COBL: variants seen among roughly 807,000 people sequenced by gnomAD.
COBL encodes the protein cordon-bleu WH2 repeat protein, also known as protein cordon-bleu.
Under a neutral mutation model 98.8 loss-of-function variants are expected in COBL, and 51 were observed. The observed-to-expected ratio is 0.52, with a 90% CI of 0.41 to 0.65. The LOEUF (loss-of-function observed/expected upper bound fraction) is 0.65, where lower values mean the gene tolerates loss of function less well. COBL is among the 30% of genes least tolerant of loss of function. COBL has a pLI of 0.00. For synonymous variants in COBL, 634 were observed against 651.7 expected, an observed-to-expected ratio of 0.97 and a Z score of 0.41; for missense variants, 1,617 against 1,617.5, an observed-to-expected ratio of 1.00 and a Z score of 0.01.
At chr7:51,175,046 C>G (rs745727740) in intron 5 of COBL, among the ~76,000 whole-genome samples, 19 of 152,214 alleles carry the variant, frequency 1.2e-4, no homozygotes, top group Non-Finnish European at 2.5e-4. Context: ...CCTCCTGAAT[C>G]CGGACCACCC....
chr7:51,131,918 AG>A (rs150159916), intron 6 of COBL, among the ~76,000 whole-genome samples: 12,266 of 152,214 alleles, frequency 0.081, 719 homozygotes, highest in South Asian at 0.16. Context: ...AGAAGCTATC[AG>A]GACTGAAAGG....
intron 1 of COBL, among the ~76,000 whole-genome samples, chr7:51,263,258 T>A (rs1379285938): frequency 6.6e-6 from 1 of 152,092 alleles, no homozygotes; most frequent in African/African-American, 2.4e-5. Flanking sequence ...TAGGCTCCTA[T>A]GAGCAAGAGC....
intron 1 of COBL, among the ~76,000 whole-genome samples, chr7:51,307,097 T>G (rs1226478670): frequency 5.3e-5 from 8 of 151,924 alleles, no homozygotes; most frequent in Non-Finnish European, 5.9e-5. Context: ...ATAATCCGAG[T>G]GCTCTGGGAG....
At chr7:51,107,459 A>G (rs1161351184) in intron 6 of COBL, among the ~76,000 whole-genome samples, 1 of 152,220 alleles carries the variant, frequency 6.6e-6, no homozygotes, top group Non-Finnish European at 1.5e-5. Context: ...CCAGTTCAGT[A>G]AATATTATAC....
At chr7:51,174,704 G>A (rs1788200670) in intron 5 of COBL, among the ~76,000 whole-genome samples, 1 of 152,116 alleles carries the variant, frequency 6.6e-6, no homozygotes, top group African/African-American at 2.4e-5. Context: ...TGTCATCTCT[G>A]TAAACCAGTG....
intron 6 of COBL, among the ~76,000 whole-genome samples, chr7:51,098,220 G>GTTTTTTTTTTTTTTTTTTTTTTTT (rs1276606651): frequency 2.3e-4 from 12 of 52,308 alleles, no homozygotes; most frequent in African/African-American, 1.1e-3. Flanking sequence ...CCCAATAGCA[G>GTTTTTTTTTTTTTTTTTTTTTTTT]TTTCTTTTTT....
At chr7:51,229,142 G>A (rs1340294195) in intron 1 of COBL, among the ~76,000 whole-genome samples, 3 of 152,264 alleles carry the variant, frequency 2.0e-5, no homozygotes, top group South Asian at 4.1e-4. Flanking sequence ...GACAGAAACC[G>A]CTCCTTGGGC....
At chr7:51,085,428 G>A in intron 6 of COBL, 124 bp from the exon 7 acceptor site, 1 of 1,076,926 alleles carries the variant, frequency 9.3e-7, no homozygotes, top group Non-Finnish European at 1.3e-6. Flanking sequence ...CTCCAGGAGG[G>A]TTGTTAGATG....
chr7:51,297,467 C>T (rs1313516838), intron 1 of COBL, among the ~76,000 whole-genome samples: 1 of 148,440 alleles, frequency 6.7e-6, no homozygotes, highest in Non-Finnish European at 1.5e-5. Context: ...TCTCAGCTCA[C>T]TGCAACCTCC....
At chr7:51,035,181 G>A (rs900211049) in intron 8 of COBL, 2 of 152,196 alleles carry the variant, frequency 1.3e-5, no homozygotes, top group African/African-American at 2.4e-5. Flanking sequence ...CAGCAAAAAC[G>A]AGAACTAGGG....
chr7:51,274,132 T>C (rs1443632996), intron 1 of COBL, among the ~76,000 whole-genome samples: 3 of 152,182 alleles, frequency 2.0e-5, no homozygotes, highest in African/African-American at 4.8e-5. Context: ...GCACAGGACC[T>C]GCAGCTGCCA....
At chr7:51,258,737 T>A (rs767876734) in intron 1 of COBL, among the ~76,000 whole-genome samples, 6 of 152,072 alleles carry the variant, frequency 3.9e-5, no homozygotes, top group Non-Finnish European at 8.8e-5. Context: ...TCAAAAAGAG[T>A]TAAGATTTCT....
At chr7:51,242,960 C>G (rs1795932911) in intron 1 of COBL, among the ~76,000 whole-genome samples, 1 of 152,150 alleles carries the variant, frequency 6.6e-6, no homozygotes, top group South Asian at 2.1e-4. Flanking sequence ...GCTGGGTGCT[C>G]CCTTGGGAAG....
Position 51,188,958 on chromosome 7 carries a change from G to A in COBL, c.685+1892C>T, listed in dbSNP as rs113957021. 9.3e-3 allele frequency among the ~76,000 whole-genome samples: 1,410 copies of A among 152,264 alleles called. 19 individuals are homozygous for A. Among genetic ancestry groups the A allele is most frequent in the African/African-American group, 0.032 (1,326 of 41,542 alleles). On this transcript the variant is annotated intron_variant, in intron 4 of 12. Coordinates refer to ENST00000265136, the MANE Select transcript of COBL (RefSeq NM_015198.5). ...GCCTTTTTATTTCAGATACCTGAAC[G>A]TGAAACAGTTTTCCCTTTATTTTTC...
intron 2 of COBL, among the ~76,000 whole-genome samples, chr7:51,217,467 G>A (rs1469292851): frequency 2.7e-5 from 4 of 149,122 alleles, no homozygotes; most frequent in Non-Finnish European, 5.9e-5. Context: ...TCAGCCTCCC[G>A]AGTAGCTGGG....
chr7:51,098,010 C>T (rs568205777), intron 6 of COBL, among the ~76,000 whole-genome samples: 15 of 115,676 alleles, frequency 1.3e-4, no homozygotes, highest in African/African-American at 5.5e-4. Flanking sequence ...GACAACAGAG[C>T]GAGACTCCAT....
At position 51,031,074 on chromosome 7, in the gene COBL, A is replaced by C. The variant is rs191629505; in HGVS notation, c.1407-165T>G. The C allele has an allele frequency of 5.3e-3, 3,291 of 619,206 alleles. 83 individuals carry two copies. Among genetic ancestry groups the C allele is most frequent in the South Asian group, 0.041 (2,120 of 51,454 alleles). 38.4% of individuals were successfully genotyped at this position (619,206 alleles called of 1,614,324 possible). A position where few individuals can be genotyped will look rare whatever the true frequency, so the allele number is the denominator to read the frequency against. ...AGAACTACGGAGACGCAGATTGTTCATGGGTGTGTGTGTCCCCCATGTGTG... is the reference window on the plus strand; with the variant it reads ...AGAACTACGGAGACGCAGATTGTTCCTGGGTGTGTGTGTCCCCCATGTGTG... On this transcript the variant is annotated intron_variant, in intron 8 of 12. Transcript: ENST00000265136.
chr7:51,033,453 T>G (rs560392176), intron 8 of COBL: 8 of 152,358 alleles, frequency 5.3e-5, no homozygotes, highest in African/African-American at 1.9e-4. Flanking sequence ...ATGATGATCA[T>G]TAAGTCTATG....
At chr7:51,240,954 T>TAG in intron 1 of COBL, among the ~76,000 whole-genome samples, 1 of 152,338 alleles carries the variant, frequency 6.6e-6, no homozygotes, top group East Asian at 1.9e-4. Flanking sequence ...GCAAGGGCTA[T>TAG]CCCAGAGGTA....
Sources: allele counts gnomAD v4.1 joint callset (sites outside exome capture counted in the v4.1 genomes callset), GRCh38; gene constraint gnomAD v4.1.1; transcripts MANE v1.5; gene names NCBI Gene and HGNC (gene_info 2026-07-23, HGNC 2026-07-21).